SKP1: variants seen among roughly 807,000 people sequenced by gnomAD.
SKP1 encodes S-phase kinase associated protein 1.
In SKP1, 1 loss-of-function variant was observed where a neutral mutation model predicts 21.5. That is an observed-to-expected ratio of 0.05 (90% CI 0.02 to 0.22). The LOEUF is 0.22. SKP1 is among the 10% of genes least tolerant of loss of function. The pLI, the probability that SKP1 is intolerant of heterozygous loss-of-function variation, is 1.00. For missense variants in SKP1, 70 were observed against 192.0 expected, an observed-to-expected ratio of 0.36 and a Z score of 3.76; for synonymous variants, 59 against 59.3, an observed-to-expected ratio of 0.99 and a Z score of 0.03.
chr5:134,158,452 T>G lies in SKP1; in HGVS notation c.456+3A>C. 6.2e-7 allele frequency: 1 copy of G among 1,614,084 alleles called. No homozygotes were observed. The highest frequency in any genetic ancestry group is 8.5e-7 in the Non-Finnish European group (1 of 1,179,966). On this transcript the variant is annotated splice_donor_region_variant and intron_variant, in intron 5 of 5. Transcript: ENST00000353411. ...ATCAAAGACAAAACTGTGTGCTACC[T>G]ACCTGGGCTTCCTCCTCTTCAGTAA...
chr5:134,171,172 C>T (rs1580622064), intron 2 of SKP1: 2 of 368,522 alleles, frequency 5.4e-6, no homozygotes, highest in East Asian at 7.3e-5. Context: ...AAACAGAAGT[C>T]ACCCACTTAG....
At chr5:134,174,581 T>C in intron 1 of SKP1, 1 of 539,248 alleles carries the variant, frequency 1.9e-6, no homozygotes, top group Non-Finnish European at 2.4e-6. Context: ...GTGAGTACAA[T>C]TCCCTAAATC....
intron 2 of SKP1, 77 bp from the exon 3 acceptor site, chr5:134,167,320 A>C (rs28505466): frequency 1.1e-6 from 1 of 922,456 alleles, no homozygotes; most frequent in East Asian, 2.4e-5. Flanking sequence ...GTCTCAAAAC[A>C]TAAGAGTCAG....
chr5:134,167,718 G>T (rs1226700365), intron 2 of SKP1, among the ~76,000 whole-genome samples: 1 of 152,148 alleles, frequency 6.6e-6, no homozygotes, highest in Non-Finnish European at 1.5e-5. Context: ...GAGAGACGGG[G>T]TTTCACCGTG....
At chr5:134,167,042 C>A (rs958730874) in intron 3 of SKP1, 128 bp downstream of exon 3, 4 of 612,128 alleles carry the variant, frequency 6.5e-6, no homozygotes, top group Non-Finnish European at 1.2e-5. Flanking sequence ...TGTTTAAGAA[C>A]ATTCAAATTT....
At position 134,150,753 on chromosome 5, in the gene SKP1, T is replaced by C. The variant is rs1160825475; in HGVS notation, c.*6980A>G. ...CTTATTGTGATAACCTTGTTCCAAA[T>C]CTCAAATCACCCTATGGGCATCTTT... On this transcript the variant is annotated 3_prime_UTR_variant, in exon 6 of 6. Coordinates refer to ENST00000353411, the MANE Select transcript of SKP1 (RefSeq NM_170679.3). 1 of 152,182 alleles carries C rather than the reference T, an allele frequency of 6.6e-6. No individual in the cohort carries two copies. The highest frequency in any genetic ancestry group is 2.1e-4 in the South Asian group (1 of 4,832). The allele number at this position is 152,182 out of a possible 1,614,324, so 9.4% of individuals were successfully genotyped here. A position where few individuals can be genotyped will look rare whatever the true frequency, so the allele number is the denominator to read the frequency against.
At chr5:134,170,510 TG>T (rs1761420806) in intron 2 of SKP1, among the ~76,000 whole-genome samples, 1 of 152,252 alleles carries the variant, frequency 6.6e-6, no homozygotes, top group Non-Finnish European at 1.5e-5. Flanking sequence ...CTGATTGTCC[TG>T]TGGATTAAAA....
At chr5:134,175,190 G>A (rs576112638) in intron 1 of SKP1, 2 of 152,214 alleles carry the variant, frequency 1.3e-5, no homozygotes, top group Admixed American at 6.5e-5. Context: ...GCTTCTCTGA[G>A]ACAATTGTCG....
chr5:134,172,506 T>C (rs774606434), intron 2 of SKP1, among the ~76,000 whole-genome samples: 9 of 151,832 alleles, frequency 5.9e-5, no homozygotes, highest in Non-Finnish European at 1.2e-4. Flanking sequence ...CACTTCCTTA[T>C]GCTGCATATA....
intron 4 of SKP1, among the ~76,000 whole-genome samples, chr5:134,159,843 G>A (rs982767725): frequency 6.0e-5 from 9 of 150,418 alleles, no homozygotes; most frequent in South Asian, 2.1e-4. Flanking sequence ...CACCGCGCCC[G>A]GCCTAATTTT....
chr5:134,175,757 G>T (rs937476142), intron 1 of SKP1, among the ~76,000 whole-genome samples: 6 of 152,170 alleles, frequency 3.9e-5, no homozygotes, highest in Admixed American at 6.6e-5. Flanking sequence ...TAAACTCAAA[G>T]ATAAGTTTTA....
At position 134,149,297 on chromosome 5, in the gene SKP1, C is replaced by CT. The variant is rs1561714515; in HGVS notation, c.*8435dup. On this transcript the variant is annotated 3_prime_UTR_variant, in exon 6 of 6. Transcript: ENST00000353411. The stretch of plus-strand genomic sequence containing the variant: ...ATTCCGTATCCATATACCATGTGTA[C>CT]TCACTGTTTAGCTCCCTACAACCCA... 1 of 152,192 alleles carries CT rather than the reference C, an allele frequency of 6.6e-6. No homozygotes were observed. The highest frequency in any genetic ancestry group is 1.5e-5 in the Non-Finnish European group (1 of 68,050). The allele number at this position is 152,192 out of a possible 1,614,324, so 9.4% of individuals were successfully genotyped here.
At position 134,159,120 on chromosome 5, in the gene SKP1, CTT is replaced by C. The variant is rs1354910188; in HGVS notation, c.316-527_316-526del. Among the ~76,000 whole-genome samples, 4 of 152,076 alleles carry C rather than the reference CTT, an allele frequency of 2.6e-5. No individual in the cohort carries two copies. The East Asian group carries it at 7.7e-4, about 29-fold the overall frequency. ...GGAAGCTTAGATCACCGATTTGAAA[CTT>C]TTCTTCTTTTCTAATAATATAGGTA... On this transcript the variant is annotated intron_variant, in intron 4 of 5. Transcript: ENST00000353411.
At position 134,152,545 on chromosome 5, in the gene SKP1, CT is replaced by C. The variant is rs531398002; in HGVS notation, c.*5187del. 30 of 148,762 alleles carry C rather than the reference CT, an allele frequency of 2.0e-4. No homozygotes were observed. The highest frequency in any genetic ancestry group is 5.4e-4 in the Admixed American group (8 of 14,914). 9.2% of individuals were successfully genotyped at this position (148,762 alleles called of 1,614,324 possible). On this transcript the variant is annotated 3_prime_UTR_variant, in exon 6 of 6. Coordinates refer to ENST00000353411, the MANE Select transcript of SKP1 (RefSeq NM_170679.3). ...CTCATTAATCTGTTCTGTCCAGAAA[CT>C]TTTTTTTTTTGAAACGGAGTCTCGC...
intron 2 of SKP1, among the ~76,000 whole-genome samples, chr5:134,169,681 A>G (rs1270911629): frequency 6.6e-6 from 1 of 152,054 alleles, no homozygotes; most frequent in East Asian, 1.9e-4. Context: ...CCTGGCTAAC[A>G]TGGTGAAACC....
intron 4 of SKP1, among the ~76,000 whole-genome samples, chr5:134,159,987 C>T (rs1761190173): frequency 6.6e-6 from 1 of 151,824 alleles, no homozygotes; most frequent in African/African-American, 2.4e-5. Flanking sequence ...CCAGCTGAGA[C>T]TTGTTTTATG....
intron 3 of SKP1, among the ~76,000 whole-genome samples, chr5:134,166,510 G>A (rs1451516395): frequency 7.0e-6 from 1 of 143,202 alleles, no homozygotes; most frequent in African/African-American, 2.6e-5. Flanking sequence ...GAACCCAGGA[G>A]GCAGAGGTTG....
intron 1 of SKP1, among the ~76,000 whole-genome samples, chr5:134,176,248 T>C (rs1451325799): frequency 6.6e-6 from 1 of 152,084 alleles, no homozygotes; most frequent in African/African-American, 2.4e-5. Context: ...CTAAGAAATA[T>C]TCAGATGGAG....
intron 3 of SKP1, among the ~76,000 whole-genome samples, chr5:134,164,705 T>C (rs1010852485): frequency 6.6e-6 from 1 of 151,476 alleles, no homozygotes; most frequent in Non-Finnish European, 1.5e-5. Flanking sequence ...TCTAACTAGA[T>C]AAAATAAAGC....
Sources: gnomAD v4.1 joint callset for allele counts (sites outside exome capture counted in the v4.1 genomes callset) on GRCh38, gnomAD v4.1.1 for gene constraint, MANE v1.5 for transcripts, NCBI Gene and HGNC (gene_info 2026-07-23, HGNC 2026-07-21) for gene names.